The following ABCA3 variants were observed in gnomAD, a reference collection of about 807,000 sequenced individuals.
ABCA3 encodes the protein ATP binding cassette subfamily A member 3, also known as phospholipid-transporting ATPase ABCA3.
A neutral mutation model predicts 172.8 loss-of-function variants in ABCA3; 88 were observed. The observed-to-expected ratio is 0.51, with a 90% CI of 0.43 to 0.61. The LOEUF (loss-of-function observed/expected upper bound fraction) is 0.61, where lower values mean the gene tolerates loss of function less well. ABCA3 is among the 20% of genes least tolerant of loss of function. The probability of loss-of-function intolerance (pLI) is 0.00; values close to 1 mark genes in which losing one functional copy is unlikely to be tolerated. For synonymous variants in ABCA3, 1,066 were observed against 983.8 expected, an observed-to-expected ratio of 1.08 and a Z score of -1.56; for missense variants, 2,164 against 2,301.0, an observed-to-expected ratio of 0.94 and a Z score of 1.22.
chr16:2,293,465 G>A (rs974503415), intron 18 of ABCA3, among the ~76,000 whole-genome samples: 2 of 143,774 alleles, frequency 1.4e-5, no homozygotes, highest in Non-Finnish European at 3.0e-5. Flanking sequence ...TTGACCTCCC[G>A]GGCTCAAGCA....
At position 2,330,186 on chromosome 16, in the gene ABCA3, G is replaced by A. The variant is rs143243894; in HGVS notation, c.-538-332C>T. On this transcript the variant is annotated intron_variant, in intron 1 of 32. Transcript: ENST00000301732. ...TGACGTGTGCCTGTCCCAGCTACTC[G>A]GGAGGCTGAGGTGGGAGGATTGCTT... Among the ~76,000 whole-genome samples the A allele has an allele frequency of 5.2e-3, 794 of 151,326 alleles. 9 individuals carry two copies. Among genetic ancestry groups the A allele is most frequent in the African/African-American group, 0.018 (740 of 41,222 alleles).
rs1029284021 is a variant in ABCA3, at chr16:2,308,485, A to G, written c.1250T>C (p.Met417Thr). Residue 417 changes from methionine to threonine, a missense_variant, in exon 11 of 33, where the codon ATG becomes ACG. Met to Thr is a moderately conservative substitution (Grantham distance 81). Transcript: ENST00000301732. The stretch of plus-strand genomic sequence containing the variant: ...AAATTTCCCAATGAGCTGGGCTCCC[A>G]TTGCCATGGCGACATTAGACAGGAG... ...SCLLSNVAMA[M>T]GAQLIGKFEA... 2 of 1,614,082 alleles carry G rather than the reference A, an allele frequency of 1.2e-6. No homozygotes were observed.
intron 20 of ABCA3, 29 bp downstream of exon 20, chr16:2,289,405 G>GCCC: frequency 1.0e-6 from 1 of 994,948 alleles, no homozygotes; most frequent in Non-Finnish European, 1.5e-6. Context: ...CCCTTCCCCC[G>GCCC]CCACCCGCCC....
In ABCA3 at chr16:2,306,314, GACCCTA is replaced by G; in HGVS notation, c.1285+2130_1285+2135del. 2.6e-5 allele frequency among the ~76,000 whole-genome samples: 4 copies of G among 152,152 alleles called. No individual in the cohort carries two copies. In the South Asian group the frequency reaches 8.3e-4, roughly 32 times the overall value. ...CACTCCAGCCTGGGCAATGGAGTAAGACCCTATCTCCAAAAAAAAATTGTTAAAAAG... is the reference window on the plus strand; with the variant it reads ...CACTCCAGCCTGGGCAATGGAGTAAGTCTCCAAAAAAAAATTGTTAAAAAG... On this transcript the variant is annotated intron_variant, in intron 11 of 32. Transcript: ENST00000301732.
At chr16:2,321,329 G>C (rs1295764143) in intron 7 of ABCA3, among the ~76,000 whole-genome samples, 1 of 152,188 alleles carries the variant, frequency 6.6e-6, no homozygotes, top group African/African-American at 2.4e-5. Context: ...CTTAGTTCTA[G>C]ATGTAAAATC....
chr16:2,297,983 C>A lies in ABCA3; in HGVS notation c.1897-62G>T, dbSNP rs1275578109. 2 of 1,599,052 alleles carry A rather than the reference C, an allele frequency of 1.3e-6. No homozygotes were observed. The highest frequency in any genetic ancestry group is 1.7e-5 in the Admixed American group (1 of 59,580). On this transcript the variant is annotated intron_variant, in intron 15 of 32. Transcript: ENST00000301732. The surrounding 1 kb of genome is among the most constrained non-coding windows in gnomAD (Gnocchi z 5.6). Reference sequence around the variant, plus strand: ...CTGGCGGGAGGCCGACCCTGGCCAGCGAGGTTCTGGTGAGAGGAACCTCTC... The same window carrying A: ...CTGGCGGGAGGCCGACCCTGGCCAGAGAGGTTCTGGTGAGAGGAACCTCTC...
At chr16:2,322,357 T>A (rs1444835673) in intron 7 of ABCA3, among the ~76,000 whole-genome samples, 14 of 152,018 alleles carry the variant, frequency 9.2e-5, no homozygotes, top group Admixed American at 9.2e-4. Context: ...CAAGAGTAAA[T>A]GTTCCTGAAA....
chr16:2,326,879 T>C (rs2093735282), intron 3 of ABCA3, among the ~76,000 whole-genome samples: 2 of 151,980 alleles, frequency 1.3e-5, no homozygotes, highest in African/African-American at 2.4e-5. Context: ...TCCCAGCTAC[T>C]CGAGAGGCTG....
At chr16:2,332,263 C>A in intron 1 of ABCA3, 1 of 465,300 alleles carries the variant, frequency 2.1e-6, no homozygotes, top group Non-Finnish European at 4.0e-6. Flanking sequence ...ACTTTAAAAT[C>A]CTTCAAAATC....
intron 10 of ABCA3, among the ~76,000 whole-genome samples, chr16:2,311,390 C>T (rs1013341133): frequency 1.3e-5 from 2 of 152,184 alleles, no homozygotes; most frequent in Non-Finnish European, 2.9e-5. Context: ...TGTGGATATT[C>T]TTCTTTGATA....
At position 2,301,148 on chromosome 16, in the gene ABCA3, G is replaced by A. The variant is rs547479983; in HGVS notation, c.1468-1000C>T. Among the ~76,000 whole-genome samples the A allele has an allele frequency of 4.8e-4, 72 of 149,450 alleles. 2 individuals are homozygous for A. Among genetic ancestry groups the A allele is most frequent in the African/African-American group, 1.6e-3 (63 of 39,494 alleles). On this transcript the variant is annotated intron_variant, in intron 12 of 32. Coordinates refer to ENST00000301732, the MANE Select transcript of ABCA3 (RefSeq NM_001089.3). ...CGGGAGGCTGAGGCAGGAGAATGGCGTGAACCCGGGAGGCGGAGCTTGCAG... is the reference window on the plus strand; with the variant it reads ...CGGGAGGCTGAGGCAGGAGAATGGCATGAACCCGGGAGGCGGAGCTTGCAG...
At chr16:2,316,129 A>G (rs1383711508) in intron 10 of ABCA3, among the ~76,000 whole-genome samples, 1 of 136,950 alleles carries the variant, frequency 7.3e-6, no homozygotes, top group Non-Finnish European at 1.6e-5. Flanking sequence ...CCAGTCTGGG[A>G]AACATGGTGA....
chr16:2,295,572 C>T lies in ABCA3; in HGVS notation c.2414+18G>A, dbSNP rs2093678450. ...ATCTTGGATGTATACCTGTGCGTGC[C>T]CTCCCTGGGAGGCGTACCTGTGCGT... On this transcript the variant is annotated intron_variant, in intron 18 of 32. Coordinates refer to ENST00000301732, the MANE Select transcript of ABCA3 (RefSeq NM_001089.3). The T allele has an allele frequency of 6.2e-7, 1 of 1,610,698 alleles. No homozygotes were observed. Among genetic ancestry groups the T allele is most frequent in the Non-Finnish European group, 8.5e-7 (1 of 1,179,980 alleles).
chr16:2,334,176 G>A (rs981721143), intron 1 of ABCA3, among the ~76,000 whole-genome samples: 5 of 152,178 alleles, frequency 3.3e-5, no homozygotes, highest in African/African-American at 1.2e-4. Flanking sequence ...GGTGACATGG[G>A]AAGCCGGTCT....
Position 2,285,467 on chromosome 16 carries a change from A to C in ABCA3, c.3458T>G (p.Phe1153Cys). ...LSALLWDLIS[F>C]LIPSLLLLVV... is the part of the protein sequence containing the mutation. Reference sequence around the variant, plus strand: ...CAGCAGCAGCAGACTGGGGATGAGGAAGGAGATGAGGTCCCACAGCAGAGC... The same window carrying C: ...CAGCAGCAGCAGACTGGGGATGAGGCAGGAGATGAGGTCCCACAGCAGAGC... Residue 1153 changes from phenylalanine to cysteine, a missense_variant, in exon 23 of 33, where the codon TTC becomes TGC. Phe to Cys is a radical substitution (Grantham distance 205). Coordinates refer to ENST00000301732, the MANE Select transcript of ABCA3 (RefSeq NM_001089.3). This position sits in a 1 kb window ranked among gnomAD's most constrained non-coding sequence, Gnocchi z 4.7. The C allele has an allele frequency of 6.2e-7, 1 of 1,611,552 alleles. No individual in the cohort carries two copies. Among genetic ancestry groups the C allele is most frequent in the Non-Finnish European group, 8.5e-7 (1 of 1,178,938 alleles).
At position 2,297,273 on chromosome 16, in the gene ABCA3, C is replaced by A. The variant is rs2093681227; in HGVS notation, c.2263+56G>T. ...GCCCTTCATGAAGGTAGCAGCCATT[C>A]CCTCAGCACGGCAGCCAGGACACCG... On this transcript the variant is annotated intron_variant, in intron 17 of 32. Transcript: ENST00000301732. The surrounding 1 kb of genome is among the most constrained non-coding windows in gnomAD (Gnocchi z 5.6). The A allele has an allele frequency of 1.9e-6, 3 of 1,584,428 alleles. No individual in the cohort carries two copies. In the Admixed American group the frequency reaches 5.0e-5, roughly 27 times the overall value.
chr16:2,320,453 G>A (rs1307691194), intron 7 of ABCA3, among the ~76,000 whole-genome samples: 38 of 149,180 alleles, frequency 2.5e-4, no homozygotes, highest in African/African-American at 7.5e-4. Flanking sequence ...GCAGTGGCGC[G>A]ATCTCGGCTC....
At chr16:2,318,098 C>T (rs949460420) in intron 8 of ABCA3, among the ~76,000 whole-genome samples, 3 of 152,242 alleles carry the variant, frequency 2.0e-5, no homozygotes, top group African/African-American at 7.2e-5. Flanking sequence ...CGGCAGGAGC[C>T]CAGCCCTTCT....
chr16:2,332,185 C>T (rs917269068), intron 1 of ABCA3: 12 of 348,046 alleles, frequency 3.4e-5, no homozygotes, highest in South Asian at 3.9e-5. Context: ...GCTCTTCAGG[C>T]GGCCAGTGCT....
Sources: allele counts gnomAD v4.1 joint callset (sites outside exome capture counted in the v4.1 genomes callset), GRCh38; gene constraint gnomAD v4.1.1; non-coding constraint Gnocchi (gnomAD v3.1); transcripts MANE v1.5; gene names NCBI Gene and HGNC (gene_info 2026-07-23, HGNC 2026-07-21).